The following ARHGAP26 variants were observed in gnomAD, a reference collection of about 807,000 sequenced individuals.
The protein encoded by ARHGAP26 is rho GTPase-activating protein 26.
ARHGAP26 carries 38 observed loss-of-function variants against 104.8 expected under a neutral mutation model. The ratio of observed to expected loss-of-function variants is 0.36; its 90% CI spans 0.28 to 0.48. ARHGAP26 has a LOEUF of 0.48. Among genes scored for constraint, ARHGAP26 ranks in the 20% least tolerant of loss-of-function variants. ARHGAP26 has a pLI of 0.99. For synonymous variants in ARHGAP26, 341 were observed against 340.0 expected, an observed-to-expected ratio of 1.00 and a Z score of -0.03; for missense variants, 704 against 947.9, an observed-to-expected ratio of 0.74 and a Z score of 3.38.
chr5:143,024,472 C>A (rs1780758489), intron 12 of ARHGAP26, among the ~76,000 whole-genome samples: 2 of 152,120 alleles, frequency 1.3e-5, no homozygotes, highest in Non-Finnish European at 2.9e-5. Flanking sequence ...CCAGTTTGGG[C>A]TTCAGCCAAG....
chr5:143,126,355 T>C (rs555973431), intron 18 of ARHGAP26, among the ~76,000 whole-genome samples: 17 of 152,324 alleles, frequency 1.1e-4, no homozygotes, highest in Middle Eastern at 3.4e-3. Context: ...GTCCATTTGC[T>C]AAGGGTCCTG....
intron 20 of ARHGAP26, among the ~76,000 whole-genome samples, chr5:143,152,848 C>A (rs1487489980): frequency 5.3e-5 from 8 of 152,296 alleles, no homozygotes; most frequent in African/African-American, 1.4e-4. Context: ...AGCATTGGGA[C>A]CACCAGTCAG....
chr5:142,869,737 T>G (rs1754993691), intron 1 of ARHGAP26, among the ~76,000 whole-genome samples: 1 of 152,218 alleles, frequency 6.6e-6, no homozygotes, highest in Non-Finnish European at 1.5e-5. Context: ...AGATTCTAAT[T>G]TTTAAAAAAT....
chr5:142,782,070 T>G (rs933968326), intron 1 of ARHGAP26, among the ~76,000 whole-genome samples: 6 of 152,126 alleles, frequency 3.9e-5, no homozygotes, highest in African/African-American at 1.2e-4. Context: ...GAACACATAG[T>G]CAGCAGCATA....
At chr5:142,963,154 G>C (rs944573758) in intron 11 of ARHGAP26, among the ~76,000 whole-genome samples, 1 of 122,500 alleles carries the variant, frequency 8.2e-6, no homozygotes, top group East Asian at 2.9e-4. Flanking sequence ...TGGCTGTGTA[G>C]TATTCCATGG....
chr5:143,034,883 A>G (rs536733053), intron 12 of ARHGAP26, among the ~76,000 whole-genome samples: 16 of 152,364 alleles, frequency 1.1e-4, no homozygotes, highest in Non-Finnish European at 1.9e-4. Context: ...AATTATTTTA[A>G]TTGGGCTTTC....
In ARHGAP26 at chr5:142,770,908, G is replaced by A. The variant is rs753973005; in HGVS notation, c.147G>A (p.Ala49=). ...AGGACGGGAAGTCACTCATAAGCGC[G>A]CTCAAGAGTGAGTGTCCCGAGCCCC... ...LIKDGKSLIS[A]LKNLSSAKRK... is the part of the protein sequence containing the mutation. Residue 49 remains alanine, a synonymous_variant, in exon 1 of 23, where the codon GCG becomes GCA. Coordinates refer to ENST00000645722, the MANE Select transcript of ARHGAP26 (RefSeq NM_001135608.3). 3.7e-6 allele frequency: 6 copies of A among 1,607,004 alleles called. No homozygotes were observed. In the East Asian group the frequency reaches 9.1e-5, roughly 24 times the overall value.
At chr5:143,133,945 T>A in intron 18 of ARHGAP26, 22 bp from the exon 19 acceptor site, 1 of 1,598,768 alleles carries the variant, frequency 6.3e-7, no homozygotes, top group Non-Finnish European at 8.5e-7. Context: ...TGAGTAACCT[T>A]GTTGTGAAAC....
chr5:143,093,344 C>T (rs1008235323), intron 17 of ARHGAP26, among the ~76,000 whole-genome samples: 2 of 152,072 alleles, frequency 1.3e-5, no homozygotes, highest in African/African-American at 4.8e-5. Flanking sequence ...TTGTCAGTGG[C>T]CTCAGTGCTT....
At chr5:143,123,968 C>T (rs1796429119) in intron 18 of ARHGAP26, among the ~76,000 whole-genome samples, 1 of 152,048 alleles carries the variant, frequency 6.6e-6, no homozygotes, top group Admixed American at 6.5e-5. Context: ...AATAGAAACA[C>T]ACACACACAC....
chr5:143,052,020 C>T (rs1431591792), intron 14 of ARHGAP26, among the ~76,000 whole-genome samples: 1 of 152,078 alleles, frequency 6.6e-6, no homozygotes, highest in Non-Finnish European at 1.5e-5. Flanking sequence ...ACATACTCTT[C>T]TGCAGGAAAA....
At chr5:142,827,628 A>G (rs983072141) in intron 1 of ARHGAP26, among the ~76,000 whole-genome samples, 11 of 152,170 alleles carry the variant, frequency 7.2e-5, no homozygotes, top group South Asian at 4.1e-4. Context: ...ACAGATAATG[A>G]AGGGATACTT....
intron 21 of ARHGAP26, among the ~76,000 whole-genome samples, chr5:143,209,005 A>G (rs1809022395): frequency 6.6e-6 from 1 of 152,234 alleles, no homozygotes; most frequent in African/African-American, 2.4e-5. Context: ...AAACTAAGTG[A>G]CCACAGACAA....
At chr5:142,861,706 G>A (rs529568457) in intron 1 of ARHGAP26, among the ~76,000 whole-genome samples, 2 of 152,196 alleles carry the variant, frequency 1.3e-5, no homozygotes, top group African/African-American at 2.4e-5. Context: ...GTTTGCTGCC[G>A]GCCAGGCCCT....
In ARHGAP26 at chr5:143,161,159, G is replaced by A. The variant is rs149188321; in HGVS notation, c.1988+13778G>A. The stretch of plus-strand genomic sequence containing the variant: ...CATGAGTAGCTGGGATTACAGGCAC[G>A]CAGCACCACACCTGGCTAACTGTTG... On this transcript the variant is annotated intron_variant, in intron 20 of 22. Coordinates refer to ENST00000645722, the MANE Select transcript of ARHGAP26 (RefSeq NM_001135608.3). Among the ~76,000 whole-genome samples the A allele has an allele frequency of 3.5e-3, 538 of 151,956 alleles. 3 individuals are homozygous for A. Among genetic ancestry groups the A allele is most frequent in the African/African-American group, 0.012 (517 of 41,432 alleles).
chr5:142,795,200 C>G (rs896004344), intron 1 of ARHGAP26, among the ~76,000 whole-genome samples: 3 of 152,060 alleles, frequency 2.0e-5, no homozygotes, highest in African/African-American at 7.2e-5. Flanking sequence ...TGGTTGTTGC[C>G]CATTGACTGT....
chr5:142,906,259 T>C (rs1035384570), intron 8 of ARHGAP26, among the ~76,000 whole-genome samples: 6 of 152,196 alleles, frequency 3.9e-5, no homozygotes, highest in Non-Finnish European at 5.9e-5. Flanking sequence ...ACAGTCACTA[T>C]TTTCCCCTTG....
At chr5:143,176,556 C>T (rs112466523) in intron 20 of ARHGAP26, among the ~76,000 whole-genome samples, 2,942 of 152,258 alleles carry the variant, frequency 0.019, 96 homozygotes, top group African/African-American at 0.067. Flanking sequence ...GAAGTCCTTT[C>T]ACCACTGAAT....
chr5:143,076,717 T>A (rs1368489153), intron 17 of ARHGAP26, among the ~76,000 whole-genome samples: 1 of 152,200 alleles, frequency 6.6e-6, no homozygotes, highest in Non-Finnish European at 1.5e-5. Context: ...CGTCTGGTAT[T>A]TGTATATGTG....
Sources: gnomAD v4.1 joint callset for allele counts (sites outside exome capture counted in the v4.1 genomes callset) on GRCh38, gnomAD v4.1.1 for gene constraint, MANE v1.5 for transcripts, NCBI Gene and HGNC (gene_info 2026-07-23, HGNC 2026-07-21) for gene names.